Variants in TRDN observed in about 807,000 individuals in gnomAD.
TRDN encodes the protein triadin in skeletal muscle.
Under a neutral mutation model 149.7 loss-of-function variants are expected in TRDN, and 161 were observed. That is an observed-to-expected ratio of 1.08 (90% confidence interval 0.95 to 1.23). TRDN has a LOEUF of 1.23. Ranked by LOEUF, TRDN falls within the 50% of genes most tolerant of loss-of-function variation. TRDN has a pLI of 0.00. For synonymous variants in TRDN, 294 were observed against 250.5 expected, an observed-to-expected ratio of 1.17 and a Z score of -1.64; for missense variants, 896 against 823.5, an observed-to-expected ratio of 1.09 and a Z score of -1.08.
intron 37 of TRDN, among the ~76,000 whole-genome samples, chr6:123,254,407 T>C (rs1449706261): frequency 6.6e-6 from 1 of 152,050 alleles, no homozygotes; most frequent in East Asian, 1.9e-4. Context: ...GCTTTTTCTC[T>C]CCCTACTAGA....
intron 8 of TRDN, among the ~76,000 whole-genome samples, chr6:123,497,793 G>A (rs1362902466): frequency 1.3e-5 from 2 of 152,092 alleles, no homozygotes; most frequent in Non-Finnish European, 2.9e-5. Context: ...CTCTTTAATT[G>A]GGAGAGTAAA....
At chr6:123,439,227 T>C (rs1774744318) in intron 10 of TRDN, among the ~76,000 whole-genome samples, 1 of 152,198 alleles carries the variant, frequency 6.6e-6, no homozygotes, top group Non-Finnish European at 1.5e-5. Flanking sequence ...TGGCTCACAG[T>C]AAATGTGTAA....
intron 26 of TRDN, 81 bp downstream of exon 26, chr6:123,278,237 G>T (rs1777446484): frequency 2.1e-6 from 2 of 960,834 alleles, no homozygotes; most frequent in Non-Finnish European, 2.9e-6. Flanking sequence ...TTTGTACTAG[G>T]ACATGACATT....
Position 123,217,617 on chromosome 6 carries a change from G to A in TRDN, c.*984C>T, listed in dbSNP as rs1430477980. On this transcript the variant is annotated 3_prime_UTR_variant, in exon 41 of 41. Transcript: ENST00000334268. ...GACCAGTTACCTAAAATACAAGTAA[G>A]ACATCTCACGAAGGCATTTAAGGCT... is the stretch of plus-strand genomic sequence containing the variant. 1 of 151,898 alleles carries A rather than the reference G, an allele frequency of 6.6e-6. No homozygotes were observed. The highest frequency in any genetic ancestry group is 6.6e-5 in the Admixed American group (1 of 15,216). The allele number at this position is 151,898 out of a possible 1,614,324, so 9.4% of individuals were successfully genotyped here.
At chr6:123,480,386 T>C (rs887566945) in intron 9 of TRDN, among the ~76,000 whole-genome samples, 5 of 152,038 alleles carry the variant, frequency 3.3e-5, no homozygotes, top group Admixed American at 6.6e-5. Context: ...GACTCACTAA[T>C]AAATAAATAA....
chr6:123,587,785 G>C lies in TRDN; in HGVS notation c.23-16653C>G, dbSNP rs182006715. ...AAAAGGGGGGGTTGTTCTCTGGCAG[G>C]CAGGAGTGGGGGTCACAAGGTACTC... On this transcript the variant is annotated intron_variant, in intron 1 of 40. Transcript: ENST00000334268. 2.0e-5 allele frequency among the ~76,000 whole-genome samples: 3 copies of C among 151,228 alleles called. No individual in the cohort carries two copies. The East Asian group carries it at 5.9e-4, about 30-fold the overall frequency.
chr6:123,457,841 C>G (rs543247677), intron 10 of TRDN, among the ~76,000 whole-genome samples: 1 of 152,104 alleles, frequency 6.6e-6, no homozygotes, highest in Non-Finnish European at 1.5e-5. Context: ...ATCATATGAT[C>G]CAAAACAAAA....
At chr6:123,618,639 T>C (rs1168596154) in intron 1 of TRDN, among the ~76,000 whole-genome samples, 1 of 152,216 alleles carries the variant, frequency 6.6e-6, no homozygotes, top group Non-Finnish European at 1.5e-5. Flanking sequence ...CAGTAGACAT[T>C]GTGTGAGCAC....
intron 24 of TRDN, among the ~76,000 whole-genome samples, chr6:123,312,140 C>A (rs941184299): frequency 6.6e-6 from 1 of 151,838 alleles, no homozygotes; most frequent in African/African-American, 2.4e-5. Flanking sequence ...CAACAGGGAC[C>A]CTTACATGAA....
intron 24 of TRDN, among the ~76,000 whole-genome samples, chr6:123,294,382 A>G (rs1247702178): frequency 6.6e-6 from 1 of 152,106 alleles, no homozygotes; most frequent in Non-Finnish European, 1.5e-5. Flanking sequence ...TTAACCTCCT[A>G]GTAAAGTTTG....
chr6:123,345,708 T>C (rs9320928), intron 21 of TRDN, among the ~76,000 whole-genome samples: 28,085 of 151,964 alleles, frequency 0.18, 3,545 homozygotes, highest in East Asian at 0.63. Context: ...TATCTCTCAA[T>C]TTATTTAGTT....
intron 1 of TRDN, among the ~76,000 whole-genome samples, chr6:123,586,185 T>C (rs1052721280): frequency 2.0e-5 from 3 of 152,146 alleles, no homozygotes; most frequent in East Asian, 1.9e-4. Context: ...GCCTTTAGCT[T>C]CAGCCACCTT....
chr6:123,521,217 G>A (rs1308880493), intron 5 of TRDN, among the ~76,000 whole-genome samples: 2 of 151,996 alleles, frequency 1.3e-5, no homozygotes, highest in African/African-American at 2.4e-5. Context: ...GTTGAATTGT[G>A]TCTCCCCAAA....
chr6:123,585,433 G>C (rs138418728), intron 1 of TRDN, among the ~76,000 whole-genome samples: 18 of 152,188 alleles, frequency 1.2e-4, no homozygotes, highest in Admixed American at 6.5e-4. Flanking sequence ...AGGTAATGTG[G>C]AGTGAGTAGC....
At chr6:123,317,032 A>G (rs911720269) in intron 23 of TRDN, among the ~76,000 whole-genome samples, 12 of 151,764 alleles carry the variant, frequency 7.9e-5, no homozygotes, top group African/African-American at 2.9e-4. Context: ...GACAATTGTG[A>G]CATAAAGTAT....
chr6:123,447,883 C>T (rs1775488472), intron 10 of TRDN, among the ~76,000 whole-genome samples: 1 of 152,112 alleles, frequency 6.6e-6, no homozygotes, highest in Non-Finnish European at 1.5e-5. Flanking sequence ...ACTGCTTCTG[C>T]AGGACCTGGG....
chr6:123,436,149 G>T (rs1476200900), intron 12 of TRDN, among the ~76,000 whole-genome samples: 1 of 152,050 alleles, frequency 6.6e-6, no homozygotes, highest in Non-Finnish European at 1.5e-5. Flanking sequence ...AAAATTGATG[G>T]CAAGGAAGAA....
chr6:123,453,950 A>T (rs1307656175), intron 10 of TRDN, among the ~76,000 whole-genome samples: 1 of 152,048 alleles, frequency 6.6e-6, no homozygotes, highest in Non-Finnish European at 1.5e-5. Flanking sequence ...CAACTCAGCC[A>T]TAAAAAGGAA....
Position 123,274,636 on chromosome 6 carries a change from G to T in TRDN, c.1597+5C>A. ...TGAATCTATATAAAATAAAGCTCAT[G>T]TTACCTGGTTTTGCTTCTTTTTTAA... is the stretch of plus-strand genomic sequence containing the variant. On this transcript the variant is annotated splice_donor_5th_base_variant and intron_variant, in intron 27 of 40. Coordinates refer to ENST00000334268, the MANE Select transcript of TRDN (RefSeq NM_006073.4). 1 of 1,607,220 alleles carries T rather than the reference G, an allele frequency of 6.2e-7. No individual in the cohort carries two copies. The highest frequency in any genetic ancestry group is 1.7e-5 in the Admixed American group (1 of 59,598).
Sources: allele counts gnomAD v4.1 joint callset (sites outside exome capture counted in the v4.1 genomes callset), GRCh38; gene constraint gnomAD v4.1.1; transcripts MANE v1.5; gene names NCBI Gene and HGNC (gene_info 2026-07-23, HGNC 2026-07-21).